NUDCD1: variants seen among roughly 807,000 people sequenced by gnomAD.
NUDCD1 encodes NudC domain containing 1.
In NUDCD1, 60 loss-of-function variants were observed where a neutral mutation model predicts 67.8. The observed-to-expected ratio is 0.88, with a 90% CI of 0.72 to 1.10. The LOEUF is 1.10. Among genes scored for constraint, NUDCD1 ranks in the 50% least tolerant of loss-of-function variants. The pLI is 0.00. For synonymous variants in NUDCD1, 244 were observed against 230.8 expected (o/e 1.06, Z -0.52); for missense variants, 643 against 695.0 (o/e 0.93, Z 0.84).
chr8:109,284,330 C>T (rs1314345296), intron 5 of NUDCD1, among the ~76,000 whole-genome samples: 1 of 152,072 alleles, frequency 6.6e-6, no homozygotes, highest in Non-Finnish European at 1.5e-5. Flanking sequence ...AGCCACAAGA[C>T]AATAGTGGGG....
intron 8 of NUDCD1, among the ~76,000 whole-genome samples, chr8:109,259,517 C>A (rs1813818275): frequency 6.6e-6 from 1 of 152,078 alleles, no homozygotes. Context: ...AAAATGAGAG[C>A]CTTACAGGTT....
intron 3 of NUDCD1, 51 bp downstream of exon 3, chr8:109,296,333 T>C: frequency 7.2e-7 from 1 of 1,389,650 alleles, no homozygotes; most frequent in Admixed American, 1.8e-5. Context: ...AAGTAGGGTG[T>C]AATTTACATA....
intron 8 of NUDCD1, among the ~76,000 whole-genome samples, chr8:109,254,945 T>G (rs1317013978): frequency 6.6e-6 from 1 of 152,176 alleles, no homozygotes; most frequent in East Asian, 1.9e-4. Context: ...CATCAAGTAT[T>G]TAGCTGATCT....
chr8:109,319,214 C>T (rs1815475268), intron 2 of NUDCD1, among the ~76,000 whole-genome samples: 1 of 152,070 alleles, frequency 6.6e-6, no homozygotes, highest in Non-Finnish European at 1.5e-5. Context: ...ACCTCATGAT[C>T]CGCCCGCCTC....
chr8:109,329,417 A>G (rs1815753563), intron 1 of NUDCD1, among the ~76,000 whole-genome samples: 1 of 152,196 alleles, frequency 6.6e-6, no homozygotes, highest in African/African-American at 2.4e-5. Context: ...GCTGGCCACA[A>G]TATTATCAAA....
At chr8:109,274,924 G>GA (rs1374340640) in intron 7 of NUDCD1, among the ~76,000 whole-genome samples, 1 of 151,922 alleles carries the variant, frequency 6.6e-6, no homozygotes, top group African/African-American at 2.4e-5. Flanking sequence ...ACATTATAAA[G>GA]AAAAAATAAC....
At position 109,267,779 on chromosome 8, in the gene NUDCD1, G is replaced by T. The variant is rs530428278; in HGVS notation, c.1299+3226C>A. On this transcript the variant is annotated intron_variant, in intron 8 of 9. Coordinates refer to ENST00000239690, the MANE Select transcript of NUDCD1 (RefSeq NM_032869.4). ...TCTATAAAAGCTATGGTACAGTGAA[G>T]GATTATTTGTTTATTTCTTAAGTTA... Among the ~76,000 whole-genome samples, 6 of 152,234 alleles carry T rather than the reference G, an allele frequency of 3.9e-5. No individual in the cohort carries two copies. In the East Asian group the frequency reaches 1.2e-3, roughly 29 times the overall value.
At chr8:109,299,185 G>C (rs1166615306) in intron 2 of NUDCD1, among the ~76,000 whole-genome samples, 1 of 152,174 alleles carries the variant, frequency 6.6e-6, no homozygotes, top group Non-Finnish European at 1.5e-5. Flanking sequence ...CCGGGCAAAG[G>C]CCACAGGGAA....
chr8:109,302,309 G>A (rs765055214), intron 2 of NUDCD1, among the ~76,000 whole-genome samples: 39 of 152,124 alleles, frequency 2.6e-4, no homozygotes, highest in Non-Finnish European at 3.2e-4. Flanking sequence ...TGTGGTGCCT[G>A]ATGTCCAGGC....
At chr8:109,304,223 A>G (rs1329112578) in intron 2 of NUDCD1, among the ~76,000 whole-genome samples, 4 of 152,120 alleles carry the variant, frequency 2.6e-5, no homozygotes. Context: ...CGTGCTGTGT[A>G]GCCTTTCTGT....
rs1266809289 is a variant in NUDCD1 at position 109,296,569 on chromosome 8, C to G, written c.274G>C (p.Asp92His). The change falls in exon 3 of 10, where the codon GAC (aspartate) becomes CAC (histidine). Residue 92 changes from aspartate (D) to histidine (H), a missense_variant and splice_region_variant. Transcript: ENST00000239690. ...GRIMNLTVML[D>H]TALGKPREVF... Reference sequence around the variant, plus strand: ...TCTCGTGGTTTTCCTAAGGCAGTGTCCTAAAAAGACCAAACATTATACATT... The same window carrying G: ...TCTCGTGGTTTTCCTAAGGCAGTGTGCTAAAAAGACCAAACATTATACATT... The G allele has an allele frequency of 6.3e-7, 1 of 1,587,388 alleles. No homozygotes were observed. Among genetic ancestry groups the G allele is most frequent in the South Asian group, 1.1e-5 (1 of 88,880 alleles).
chr8:109,252,682 C>T (rs1813648597), intron 8 of NUDCD1, among the ~76,000 whole-genome samples: 1 of 152,184 alleles, frequency 6.6e-6, no homozygotes, highest in African/African-American at 2.4e-5. Flanking sequence ...TACCCACTTA[C>T]ATGGCAGTCC....
At chr8:109,306,339 C>T (rs887815168) in intron 2 of NUDCD1, among the ~76,000 whole-genome samples, 1 of 151,962 alleles carries the variant, frequency 6.6e-6, no homozygotes, top group Non-Finnish European at 1.5e-5. Context: ...GTTCTTATGC[C>T]ACCCTCTACC....
intron 8 of NUDCD1, among the ~76,000 whole-genome samples, chr8:109,262,455 C>A (rs537925706): frequency 6.6e-6 from 1 of 152,198 alleles, no homozygotes; most frequent in African/African-American, 2.4e-5. Context: ...CAGCCAGAAT[C>A]CCCTCACCCA....
At chr8:109,269,945 TA>T (rs11347205) in intron 8 of NUDCD1, among the ~76,000 whole-genome samples, 77,457 of 128,328 alleles carry the variant, frequency 0.6, 23,499 homozygotes, top group African/African-American at 0.73. Flanking sequence ...GGTTCTAAAT[TA>T]AAAAAAAAAA....
chr8:109,305,105 G>C (rs2926260), intron 2 of NUDCD1, among the ~76,000 whole-genome samples: 57,968 of 151,812 alleles, frequency 0.38, 11,571 homozygotes, highest in South Asian at 0.5. Flanking sequence ...TGCTATTCTA[G>C]TACTCCTCAG....
chr8:109,287,957 T>A (rs768177657), intron 5 of NUDCD1, among the ~76,000 whole-genome samples: 5 of 152,166 alleles, frequency 3.3e-5, no homozygotes, highest in Non-Finnish European at 7.4e-5. Flanking sequence ...CTTTAGAGAT[T>A]GTGTTTTAGG....
chr8:109,251,589 T>C (rs1813625624), intron 8 of NUDCD1, among the ~76,000 whole-genome samples: 1 of 152,214 alleles, frequency 6.6e-6, no homozygotes, highest in South Asian at 2.1e-4. Flanking sequence ...GGTTACACTT[T>C]AGTGTCTTTA....
chr8:109,329,843 G>C (rs780216987), intron 1 of NUDCD1: 1 of 1,550,632 alleles, frequency 6.4e-7, no homozygotes, highest in South Asian at 1.2e-5. Flanking sequence ...CATTGAAAAC[G>C]ATGGACATGG....
Sources: allele counts gnomAD v4.1 joint callset (sites outside exome capture counted in the v4.1 genomes callset), GRCh38; gene constraint gnomAD v4.1.1; transcripts MANE v1.5; gene names NCBI Gene and HGNC (gene_info 2026-07-23, HGNC 2026-07-21).